OSBPL10: variants seen among roughly 807,000 people sequenced by gnomAD.
OSBPL10 encodes the protein oxysterol-binding protein-related protein 10.
Under a neutral mutation model 81.7 loss-of-function variants are expected in OSBPL10, and 49 were observed. The ratio of observed to expected loss-of-function variants is 0.60; its 90% CI spans 0.48 to 0.76. OSBPL10 has a LOEUF of 0.76. Among genes scored for constraint, OSBPL10 ranks in the 30% least tolerant of loss-of-function variants. The pLI is 0.00. For synonymous variants in OSBPL10, 419 were observed against 383.6 expected, an observed-to-expected ratio of 1.09 and a Z score of -1.08; for missense variants, 923 against 987.8, an observed-to-expected ratio of 0.93 and a Z score of 0.88.
chr3:31,677,075 G>C (rs1375277467), intron 8 of OSBPL10, among the ~76,000 whole-genome samples: 1 of 152,140 alleles, frequency 6.6e-6, no homozygotes, highest in African/African-American at 2.4e-5. Flanking sequence ...ATTCCAAGTG[G>C]ACCCATGTAA....
At chr3:32,016,505 T>C (rs1699313967) in intron 2 of OSBPL10, among the ~76,000 whole-genome samples, 1 of 152,154 alleles carries the variant, frequency 6.6e-6, no homozygotes, top group Non-Finnish European at 1.5e-5. Context: ...AAACGACAAG[T>C]TAATGGGTGC....
intron 1 of OSBPL10, among the ~76,000 whole-genome samples, chr3:31,953,391 C>T (rs990770182): frequency 6.6e-5 from 10 of 151,756 alleles, no homozygotes; most frequent in Non-Finnish European, 1.3e-4. Flanking sequence ...GGCACTGCTT[C>T]CCCCTTACCA....
At chr3:31,859,090 C>T (rs1419122574) in intron 3 of OSBPL10, among the ~76,000 whole-genome samples, 2 of 152,170 alleles carry the variant, frequency 1.3e-5, no homozygotes, top group South Asian at 2.1e-4. Flanking sequence ...AGACATTACT[C>T]GTTTACTGAG....
chr3:32,063,292 T>G (rs1199283838), intron 1 of OSBPL10, among the ~76,000 whole-genome samples: 1 of 92,654 alleles, frequency 1.1e-5, no homozygotes, highest in Non-Finnish European at 2.9e-5. Flanking sequence ...ACTTCCCATT[T>G]AATCCTGCAG....
At chr3:31,699,574 A>G (rs1695831640) in intron 7 of OSBPL10, among the ~76,000 whole-genome samples, 2 of 152,364 alleles carry the variant, frequency 1.3e-5, no homozygotes, top group South Asian at 4.1e-4. Flanking sequence ...GTGGAAAGTG[A>G]AAACACAAGT....
At chr3:31,842,269 G>T (rs1700518632) in intron 3 of OSBPL10, among the ~76,000 whole-genome samples, 1 of 152,316 alleles carries the variant, frequency 6.6e-6, no homozygotes, top group African/African-American at 2.4e-5. Context: ...CTAAGACTTA[G>T]GACTTCTCTT....
chr3:31,884,027 G>C (rs1559504506), intron 1 of OSBPL10, among the ~76,000 whole-genome samples: 1 of 152,118 alleles, frequency 6.6e-6, no homozygotes, highest in Non-Finnish European at 1.5e-5. Flanking sequence ...CTCTCCTAGA[G>C]GCAGCTTCCC....
intron 2 of OSBPL10, among the ~76,000 whole-genome samples, chr3:32,041,449 T>G (rs1353834533): frequency 6.6e-6 from 1 of 152,136 alleles, no homozygotes; most frequent in East Asian, 1.9e-4. Context: ...ACAGGCCAGC[T>G]GGAAACACCC....
chr3:31,846,759 C>G (rs898072485), intron 3 of OSBPL10, among the ~76,000 whole-genome samples: 4 of 129,314 alleles, frequency 3.1e-5, no homozygotes, highest in Non-Finnish European at 7.1e-5. Context: ...AAGGTCTTAT[C>G]CCAAATGCCC....
At chr3:31,859,186 T>TA (rs1399622791) in intron 3 of OSBPL10, among the ~76,000 whole-genome samples, 13 of 152,256 alleles carry the variant, frequency 8.5e-5, no homozygotes, top group African/African-American at 2.6e-4. Context: ...TTGTTGTTTT[T>TA]ACCTAATTCC....
intron 1 of OSBPL10, among the ~76,000 whole-genome samples, chr3:31,908,808 G>A (rs1696493971): frequency 1.3e-5 from 2 of 152,210 alleles, no homozygotes; most frequent in African/African-American, 2.4e-5. Flanking sequence ...GATGATGGCA[G>A]CACTTTCAGG....
chr3:32,077,683 A>G (rs1362653131), upstream of OSBPL10: 1 of 152,214 alleles, frequency 6.6e-6, no homozygotes, highest in Non-Finnish European at 1.5e-5. Flanking sequence ...AGCCCACACT[A>G]ACGGAAGAAT....
intron 6 of OSBPL10, among the ~76,000 whole-genome samples, chr3:31,717,451 C>G (rs1364387606): frequency 6.6e-6 from 1 of 152,076 alleles, no homozygotes. Flanking sequence ...TAAATATTAA[C>G]AAACCAAGAA....
chr3:31,929,733 G>A (rs1361310219), intron 1 of OSBPL10, among the ~76,000 whole-genome samples: 2 of 143,996 alleles, frequency 1.4e-5, no homozygotes, highest in East Asian at 2.0e-4. Context: ...GGGCGACAGG[G>A]CAAGACTCTG....
At chr3:31,665,083 C>T (rs1251212724) in intron 10 of OSBPL10, among the ~76,000 whole-genome samples, 2 of 152,092 alleles carry the variant, frequency 1.3e-5, no homozygotes, top group Non-Finnish European at 2.9e-5. Context: ...AGCACTTTGA[C>T]AGTGGGACAA....
chr3:32,043,864 T>A (rs960939986), intron 2 of OSBPL10, among the ~76,000 whole-genome samples: 3 of 151,340 alleles, frequency 2.0e-5, no homozygotes, highest in African/African-American at 7.3e-5. Context: ...AAACATTGGG[T>A]ACTCACGGAC....
intron 2 of OSBPL10, among the ~76,000 whole-genome samples, chr3:32,014,059 A>C (rs957764990): frequency 5.3e-5 from 8 of 152,346 alleles, no homozygotes; most frequent in African/African-American, 1.4e-4. Flanking sequence ...TATTCCAATC[A>C]ATAGAAAAAG....
intron 1 of OSBPL10, among the ~76,000 whole-genome samples, chr3:31,961,764 GTATAAT>G (rs939471106): frequency 3.0e-4 from 46 of 152,010 alleles, no homozygotes; most frequent in African/African-American, 1.1e-3. Context: ...ATATTCTAGT[GTATAAT>G]TATAATCTTT....
chr3:32,043,398 C>T (rs1429621564), intron 2 of OSBPL10, among the ~76,000 whole-genome samples: 1 of 152,142 alleles, frequency 6.6e-6, no homozygotes, highest in African/African-American at 2.4e-5. Flanking sequence ...TCGTATTGTT[C>T]AAACACACAT....
Sources: allele counts gnomAD v4.1 joint callset (sites outside exome capture counted in the v4.1 genomes callset), GRCh38; gene constraint gnomAD v4.1.1; transcripts MANE v1.5; gene names NCBI Gene and HGNC (gene_info 2026-07-23, HGNC 2026-07-21).